ALPL: variants seen among roughly 807,000 people sequenced by gnomAD.
The protein encoded by ALPL is alkaline phosphatase, tissue-nonspecific isozyme.
In ALPL, 42 loss-of-function variants were observed where a neutral mutation model predicts 51.3. That is an observed-to-expected ratio of 0.82 (90% CI 0.64 to 1.06). ALPL has a LOEUF of 1.06. ALPL is among the 50% of genes least tolerant of loss of function. The pLI, the probability that ALPL is intolerant of heterozygous loss-of-function variation, is 0.00. For synonymous variants in ALPL, 279 were observed against 296.4 expected, an observed-to-expected ratio of 0.94 and a Z score of 0.60; for missense variants, 589 against 709.4, an observed-to-expected ratio of 0.83 and a Z score of 1.93.
At chr1:21,549,546 T>G (rs965061972) in intron 1 of ALPL, among the ~76,000 whole-genome samples, 1 of 151,752 alleles carries the variant, frequency 6.6e-6, no homozygotes, top group Non-Finnish European at 1.5e-5. Flanking sequence ...CGATCTCAGC[T>G]CACTGCAAAC....
intron 8 of ALPL, among the ~76,000 whole-genome samples, chr1:21,571,777 C>T (rs1235559210): frequency 6.6e-6 from 1 of 152,088 alleles, no homozygotes; most frequent in African/African-American, 2.4e-5. Context: ...ATCACTTGAG[C>T]CCAGGAGTTT....
intron 1 of ALPL, among the ~76,000 whole-genome samples, 186 bp from the exon 2 acceptor site, chr1:21,553,792 G>C (rs181785324): frequency 1.3e-5 from 2 of 152,346 alleles, no homozygotes; most frequent in Admixed American, 1.3e-4. Context: ...ACAGCTGTTT[G>C]TGTGGTTAAG....
chr1:21,548,347 G>C (rs1212870403), intron 1 of ALPL, among the ~76,000 whole-genome samples: 2 of 152,232 alleles, frequency 1.3e-5, no homozygotes, highest in Non-Finnish European at 2.9e-5. Context: ...TCCTTGTCCT[G>C]AGCGGAGGCT....
intron 1 of ALPL, among the ~76,000 whole-genome samples, chr1:21,510,526 C>T (rs1643665408): frequency 6.6e-6 from 1 of 152,032 alleles, no homozygotes; most frequent in Non-Finnish European, 1.5e-5. Context: ...TGAAGGCCTA[C>T]CGTGCGTAGA....
intron 5 of ALPL, among the ~76,000 whole-genome samples, chr1:21,563,768 G>A (rs983810422): frequency 1.3e-5 from 2 of 150,750 alleles, no homozygotes; most frequent in South Asian, 2.1e-4. Flanking sequence ...TCCTGTGGGC[G>A]CCTTGATGAA....
At chr1:21,537,076 T>A (rs1570215628) in intron 1 of ALPL, among the ~76,000 whole-genome samples, 1 of 152,128 alleles carries the variant, frequency 6.6e-6, no homozygotes, top group East Asian at 1.9e-4. Context: ...TTTTGTATTT[T>A]TAGTAGAGAC....
At chr1:21,561,690 A>G (rs1386457045) in intron 4 of ALPL, among the ~76,000 whole-genome samples, 1 of 121,432 alleles carries the variant, frequency 8.2e-6, no homozygotes. Flanking sequence ...TTTTTTTGAG[A>G]CAGTCTTACT....
intron 9 of ALPL, 126 bp downstream of exon 9, chr1:21,573,925 A>G: frequency 6.6e-7 from 1 of 1,524,404 alleles, no homozygotes; most frequent in Non-Finnish European, 8.8e-7. Flanking sequence ...CTTTAGGAGA[A>G]TAGGTTGTGG....
chr1:21,546,625 G>A (rs61459686), intron 1 of ALPL, among the ~76,000 whole-genome samples: 14,149 of 152,292 alleles, frequency 0.093, 949 homozygotes, highest in African/African-American at 0.19. Context: ...TGCCTCCTGG[G>A]TGACTGCTGG....
chr1:21,574,028 G>T (rs1028025418), intron 9 of ALPL: 1 of 985,466 alleles, frequency 1.0e-6, no homozygotes, highest in Non-Finnish European at 1.2e-6. Flanking sequence ...ATCCAGGAAG[G>T]CTTCCTGGGA....
At chr1:21,512,906 A>G (rs1001420709) in intron 1 of ALPL, among the ~76,000 whole-genome samples, 1 of 152,130 alleles carries the variant, frequency 6.6e-6, no homozygotes, top group Non-Finnish European at 1.5e-5. Context: ...GGAGATGAGG[A>G]CGAAGTTAAA....
chr1:21,516,981 C>G (rs1007150950), intron 1 of ALPL, among the ~76,000 whole-genome samples: 2 of 152,124 alleles, frequency 1.3e-5, no homozygotes, highest in Non-Finnish European at 2.9e-5. Context: ...CCTGACTTAC[C>G]CTAAATGTGT....
rs544943305 is a variant in ALPL at position 21,561,384 on chromosome 1, T to C, written c.297+172T>C. Among the ~76,000 whole-genome samples, 41 of 152,326 alleles carry C rather than the reference T, an allele frequency of 2.7e-4. 1 individual carries two copies. The South Asian group carries it at 8.3e-3, about 31-fold the overall frequency. On this transcript the variant is annotated intron_variant, in intron 4 of 11. Transcript: ENST00000374840. ...GACTTCTGACACCATAGCATCACTG[T>C]ACCTGCTTGCGGGTGTGTGTTTAGA...
In ALPL at chr1:21,564,072, A is replaced by T; in HGVS notation, c.504A>T (p.Arg168Ser). Residue 168 changes from arginine to serine, a missense_variant, in exon 6 of 12, where the codon AGA (arginine) becomes AGT (serine). Arg to Ser is a moderately radical substitution (Grantham distance 110). Transcript: ENST00000374840. The surrounding 1 kb of genome is among the most constrained non-coding windows in gnomAD (Gnocchi z 5.8). ...CTGTGGGCATTGTGACCACCACGAG[A>T]GTGAACCATGCCACCCCCAGCGCCG... Reference protein sequence around the residue: ...GKSVGIVTTTRVNHATPSAAY... With the variant: ...GKSVGIVTTTSVNHATPSAAY... 1 of 1,613,960 alleles carries T rather than the reference A, an allele frequency of 6.2e-7. No individual in the cohort carries two copies. The highest frequency in any genetic ancestry group is 8.5e-7 in the Non-Finnish European group (1 of 1,179,988).
intron 9 of ALPL, among the ~76,000 whole-genome samples, chr1:21,574,904 C>T (rs1022307482): frequency 6.6e-6 from 1 of 152,266 alleles, no homozygotes; most frequent in East Asian, 1.9e-4. Context: ...GGCTGCCTGG[C>T]GCCCAGGACC....
chr1:21,554,576 T>C (rs1188751892), intron 2 of ALPL, among the ~76,000 whole-genome samples: 2 of 150,998 alleles, frequency 1.3e-5, no homozygotes, highest in Non-Finnish European at 3.0e-5. Flanking sequence ...CTGCAAGCTC[T>C]GCCTCCTGGG....
At chr1:21,510,724 C>T (rs1014956412) in intron 1 of ALPL, among the ~76,000 whole-genome samples, 1 of 152,208 alleles carries the variant, frequency 6.6e-6, no homozygotes, top group Non-Finnish European at 1.5e-5. Context: ...TCTTCCGGCT[C>T]CTCCTGGGCT....
intron 1 of ALPL, among the ~76,000 whole-genome samples, chr1:21,551,660 G>T (rs1644322138): frequency 6.7e-6 from 1 of 148,482 alleles, no homozygotes; most frequent in Non-Finnish European, 1.5e-5. Context: ...ACTCTGCGCC[G>T]CTACCCCCAG....
chr1:21,524,852 G>A (rs879302215), intron 1 of ALPL, among the ~76,000 whole-genome samples: 2 of 152,218 alleles, frequency 1.3e-5, no homozygotes, highest in Non-Finnish European at 2.9e-5. Context: ...TGGGGGAAGG[G>A]AAGGACAGGC....
Sources: allele counts gnomAD v4.1 joint callset (sites outside exome capture counted in the v4.1 genomes callset), GRCh38; gene constraint gnomAD v4.1.1; non-coding constraint Gnocchi (gnomAD v3.1); transcripts MANE v1.5; gene names NCBI Gene and HGNC (gene_info 2026-07-23, HGNC 2026-07-21).